The following DIP2B variants were observed in gnomAD, a reference collection of about 807,000 sequenced individuals.
DIP2B encodes DIP2 acetate--CoA ligase B (putative).
Under a neutral mutation model 198.0 loss-of-function variants are expected in DIP2B, and 76 were observed. The observed-to-expected ratio is 0.38, with a 90% CI of 0.32 to 0.46. The LOEUF (loss-of-function observed/expected upper bound fraction) is 0.46, where lower values mean the gene tolerates loss of function less well. Ranked by LOEUF, DIP2B falls within the 20% of genes least tolerant of loss-of-function variation. DIP2B has a pLI of 0.99. For synonymous variants in DIP2B, 701 were observed against 739.1 expected (o/e 0.95, Z 0.84); for missense variants, 1,559 against 1,978.4 (o/e 0.79, Z 4.02).
At chr12:50,695,231 TG>T (rs1435514368) in intron 14 of DIP2B, 35 bp from the exon 15 acceptor site, 2 of 1,556,362 alleles carry the variant, frequency 1.3e-6, no homozygotes, top group African/African-American at 2.7e-5. Flanking sequence ...GTATGTATTT[TG>T]TATTGATTAC....
Position 50,683,230 on chromosome 12 carries a change from G to A in DIP2B, c.1299G>A (p.Glu433=). The A allele has an allele frequency of 6.2e-7, 1 of 1,610,868 alleles. No individual in the cohort carries two copies. The highest frequency in any genetic ancestry group is 8.5e-7 in the Non-Finnish European group (1 of 1,179,058). ...LLAEVIPVPI[E]VPLTRKDAGG... ...CAGAAGTGATTCCAGTGCCTATAGA[G>A]GTACCTCTTACCAGAAAGGTAACAT... Residue 433 remains glutamate, a synonymous_variant, in exon 10 of 38, where the codon GAG becomes GAA. Coordinates refer to ENST00000301180, the MANE Select transcript of DIP2B (RefSeq NM_173602.3).
chr12:50,724,657 T>C (rs1939898551), intron 27 of DIP2B, 118 bp from the exon 28 acceptor site: 1 of 754,558 alleles, frequency 1.3e-6, no homozygotes, highest in Non-Finnish European at 2.3e-6. Flanking sequence ...TCACATGTGT[T>C]CTTTGAAACT....
intron 1 of DIP2B, among the ~76,000 whole-genome samples, chr12:50,506,972 G>A (rs1263698592): frequency 2.0e-5 from 3 of 152,092 alleles, no homozygotes; most frequent in Non-Finnish European, 2.9e-5. Context: ...CCTTATTCTG[G>A]GTATATCTGC....
intron 1 of DIP2B, among the ~76,000 whole-genome samples, chr12:50,517,973 A>G (rs553766792): frequency 6.6e-6 from 1 of 152,316 alleles, no homozygotes; most frequent in African/African-American, 2.4e-5. Context: ...TTATGATGTA[A>G]TAGGTCCTGT....
At chr12:50,602,642 C>T (rs552664863) in intron 1 of DIP2B, among the ~76,000 whole-genome samples, 4 of 152,048 alleles carry the variant, frequency 2.6e-5, no homozygotes, top group East Asian at 1.9e-4. Flanking sequence ...TGGCGGATCA[C>T]GAGGTCAAGA....
At chr12:50,728,818 T>C (rs1348104552) in intron 30 of DIP2B, 140 bp downstream of exon 30, 8 of 1,204,102 alleles carry the variant, frequency 6.6e-6, no homozygotes, top group Non-Finnish European at 9.0e-6. Flanking sequence ...GGATCTACTG[T>C]GTCTCTGAAG....
intron 1 of DIP2B, among the ~76,000 whole-genome samples, chr12:50,516,368 C>T (rs1022716056): frequency 1.3e-5 from 2 of 152,144 alleles, no homozygotes; most frequent in Non-Finnish European, 2.9e-5. Flanking sequence ...GATCCTCCCA[C>T]CTCAGCCTCC....
At chr12:50,613,294 A>G (rs1959047009) in intron 1 of DIP2B, among the ~76,000 whole-genome samples, 1 of 152,220 alleles carries the variant, frequency 6.6e-6, no homozygotes, top group Admixed American at 6.5e-5. Context: ...GGATTAATGT[A>G]TGTGATTGCT....
chr12:50,675,183 G>A (rs779389361), intron 6 of DIP2B, 146 bp from the exon 7 acceptor site: 21 of 862,708 alleles, frequency 2.4e-5, no homozygotes, highest in South Asian at 6.5e-5. Context: ...CATAAAACTT[G>A]TTGTGTACAT....
At chr12:50,732,302 G>A (rs535489334) in intron 31 of DIP2B, 64 bp from the exon 32 acceptor site, 562 of 1,570,022 alleles carry the variant, frequency 3.6e-4, no homozygotes, top group South Asian at 2.4e-3. Flanking sequence ...TAGAACAGTG[G>A]CCTTACCTGT....
At chr12:50,592,321 A>G (rs1218112615) in intron 1 of DIP2B, among the ~76,000 whole-genome samples, 1 of 150,090 alleles carries the variant, frequency 6.7e-6, no homozygotes, top group African/African-American at 2.5e-5. Flanking sequence ...ACTACAGACA[A>G]GTGCCACCAT....
chr12:50,568,488 C>T (rs1190549128), intron 1 of DIP2B, among the ~76,000 whole-genome samples: 4 of 152,134 alleles, frequency 2.6e-5, no homozygotes, highest in African/African-American at 4.8e-5. Context: ...GAGCAGTATA[C>T]GGGAATTTCT....
At chr12:50,549,697 TAAAAAA>T (rs56326368) in intron 1 of DIP2B, among the ~76,000 whole-genome samples, 6 of 64,770 alleles carry the variant, frequency 9.3e-5, no homozygotes, top group Non-Finnish European at 1.7e-4. Context: ...GACTCCATCT[TAAAAAA>T]AAAAAAAAAA....
intron 2 of DIP2B, among the ~76,000 whole-genome samples, chr12:50,640,103 AT>A (rs564794382): frequency 6.6e-6 from 1 of 151,996 alleles, no homozygotes; most frequent in Non-Finnish European, 1.5e-5. Context: ...TTTTATTGTA[AT>A]TTTTTTTAAG....
chr12:50,574,194 C>T (rs1958638489), intron 1 of DIP2B, among the ~76,000 whole-genome samples: 1 of 151,838 alleles, frequency 6.6e-6, no homozygotes, highest in Non-Finnish European at 1.5e-5. Flanking sequence ...CTTGAATTAT[C>T]TTATTAAGAT....
At chr12:50,623,425 ACACACACACACACTCTCTCT>A (rs1324301237) in intron 1 of DIP2B, among the ~76,000 whole-genome samples, 364 of 52,974 alleles carry the variant, frequency 6.9e-3, no homozygotes, top group African/African-American at 0.019. Context: ...ACACACACAC[ACACACACACACACTCTCTCT>A]CTCTCTCTCT....
chr12:50,662,529 A>G (rs1419847636), intron 4 of DIP2B, among the ~76,000 whole-genome samples: 6 of 152,226 alleles, frequency 3.9e-5, no homozygotes, highest in Non-Finnish European at 5.9e-5. Flanking sequence ...TGCTGTTCCC[A>G]CATTAGGAAT....
At chr12:50,575,244 A>G (rs1367454338) in intron 1 of DIP2B, among the ~76,000 whole-genome samples, 1 of 152,166 alleles carries the variant, frequency 6.6e-6, no homozygotes, top group African/African-American at 2.4e-5. Flanking sequence ...TGGGCTGTCT[A>G]AAACTAAACT....
At chr12:50,508,246 A>T (rs760171779) in intron 1 of DIP2B, among the ~76,000 whole-genome samples, 1 of 152,234 alleles carries the variant, frequency 6.6e-6, no homozygotes, top group South Asian at 2.1e-4. Flanking sequence ...GAGCTTTTCT[A>T]TAGACGAGTT....
Sources: gnomAD v4.1 joint callset for allele counts (sites outside exome capture counted in the v4.1 genomes callset) on GRCh38, gnomAD v4.1.1 for gene constraint, MANE v1.5 for transcripts, NCBI Gene and HGNC (gene_info 2026-07-23, HGNC 2026-07-21) for gene names.